GSTM4: variants seen among roughly 807,000 people sequenced by gnomAD.
GSTM4 encodes the protein GST class-mu 4.
Under a neutral mutation model 30.1 loss-of-function variants are expected in GSTM4, and 27 were observed. The observed-to-expected ratio is 0.90, with a 90% CI of 0.66 to 1.24. The LOEUF (loss-of-function observed/expected upper bound fraction) is 1.24. Among genes scored for constraint, GSTM4 ranks in the 50% most tolerant of loss-of-function variants. The pLI is 0.00. For synonymous variants in GSTM4, 94 were observed against 96.2 expected, an observed-to-expected ratio of 0.98 and a Z score of 0.13; for missense variants, 238 against 272.1, an observed-to-expected ratio of 0.87 and a Z score of 0.88.
chr1:109,667,468 T>C (rs1018296939), downstream of GSTM4, among the ~76,000 whole-genome samples: 1 of 152,130 alleles, frequency 6.6e-6, no homozygotes, highest in Non-Finnish European at 1.5e-5. Flanking sequence ...TCTGTCTCTC[T>C]TCCCACCCAG....
At chr1:109,658,182 G>A in intron 5 of GSTM4, 1 of 406,740 alleles carries the variant, frequency 2.5e-6, no homozygotes, top group African/African-American at 2.0e-5. Flanking sequence ...CCATCTGCCT[G>A]TTCGGGGAAT....
rs1651992212 is a variant in GSTM4, at chr1:109,656,545, C to G, written c.36+120C>G. 5.9e-5 allele frequency: 52 copies of G among 877,790 alleles called. 1 individual carries two copies. In the South Asian group the frequency reaches 7.1e-4, roughly 12 times the overall value. 54.4% of individuals were successfully genotyped at this position (877,790 alleles called of 1,614,324 possible). A position where few individuals can be genotyped will look rare whatever the true frequency, so the allele number is the denominator to read the frequency against. On this transcript the variant is annotated intron_variant, in intron 1 of 7. Transcript: ENST00000369836. Reference sequence around the variant, plus strand: ...GCTATCTCTCACAGGAGGGCCTGTGCATGCCTGTGTGTGTGTGTGTGTGTG... The same window carrying G: ...GCTATCTCTCACAGGAGGGCCTGTGGATGCCTGTGTGTGTGTGTGTGTGTG...
intron 3 of GSTM4, 98 bp from the exon 4 acceptor site, chr1:109,657,492 A>G (rs769460839): frequency 3.2e-6 from 5 of 1,554,488 alleles, no homozygotes; most frequent in Non-Finnish European, 8.9e-7. Flanking sequence ...GAGCGGGCAC[A>G]GTGAGTGCCT....
rs1651967690 is a variant in GSTM4, at chr1:109,656,179, A to G, written c.-211A>G. The G allele has an allele frequency of 1.7e-6, 1 of 586,374 alleles. No individual in the cohort carries two copies. The highest frequency in any genetic ancestry group is 3.2e-6 in the Non-Finnish European group (1 of 315,628). The allele number at this position is 586,374 out of a possible 1,614,324, so 36.3% of individuals were successfully genotyped here. On this transcript the variant is annotated 5_prime_UTR_variant, in exon 1 of 8. Coordinates refer to ENST00000369836, the MANE Select transcript of GSTM4 (RefSeq NM_000850.5). ...CCTTCCAGCCAGTGAGGATCCAGCA[A>G]CCTGCTCCGTGCCTCCCGCGCCTGT...
chr1:109,657,354 G>C, intron 3 of GSTM4, 75 bp downstream of exon 3: 1 of 1,583,468 alleles, frequency 6.3e-7, no homozygotes, highest in African/African-American at 1.3e-5. Flanking sequence ...CCCCAGATTA[G>C]AGGTGTTCGG....
chr1:109,661,058 T>G, intron 7 of GSTM4, 107 bp from the exon 8 acceptor site: 1 of 1,500,444 alleles, frequency 6.7e-7, no homozygotes, highest in East Asian at 2.3e-5. Flanking sequence ...TGAGCCCACG[T>G]GGAAAGGCTG....
intron 5 of GSTM4, chr1:109,658,168 C>T (rs1253466255): frequency 6.9e-6 from 3 of 434,200 alleles, no homozygotes; most frequent in Non-Finnish European, 8.4e-6. Flanking sequence ...CCAGCTGGTT[C>T]ATGCCATCTG....
Position 109,656,130 on chromosome 1 carries a change from T to G in GSTM4, c.-260T>G. 1 of 474,038 alleles carries G rather than the reference T, an allele frequency of 2.1e-6. No individual in the cohort carries two copies. Among genetic ancestry groups the G allele is most frequent in the Non-Finnish European group, 3.9e-6 (1 of 255,734 alleles). The allele number at this position is 474,038 out of a possible 1,614,324, so 29.4% of individuals were successfully genotyped here. On this transcript the variant is annotated 5_prime_UTR_variant, in exon 1 of 8. Coordinates refer to ENST00000369836, the MANE Select transcript of GSTM4 (RefSeq NM_000850.5). ...CTTCCGGACCTTGCTCCCTGAACAC[T>G]CGGAGGTGGCGGTGGATCTTACTCC...
chr1:109,659,529 G>T, intron 7 of GSTM4: 1 of 581,858 alleles, frequency 1.7e-6, no homozygotes, highest in Admixed American at 3.3e-5. Context: ...AACTTTAGGA[G>T]CATGGATGCA....
At chr1:109,656,519 G>A (rs1651991508) in intron 1 of GSTM4, 94 bp downstream of exon 1, 1 of 1,363,998 alleles carries the variant, frequency 7.3e-7, no homozygotes, top group Non-Finnish European at 1.0e-6. Flanking sequence ...CCCTCCTTAG[G>A]GCTATCTCTC....
intron 3 of GSTM4, 118 bp downstream of exon 3, chr1:109,657,397 C>T (rs1652064934): frequency 2.1e-6 from 3 of 1,455,818 alleles, no homozygotes; most frequent in South Asian, 1.1e-5. Flanking sequence ...CCTCTCACTC[C>T]TGGTTGTCTA....
chr1:109,656,280 G>A lies in GSTM4; in HGVS notation c.-110G>A, dbSNP rs1557949961. The stretch of plus-strand genomic sequence containing the variant: ...GAAGATCGGCGGGCGCAGCGGGGCC[G>A]AGGGGGCGGGTCTGGCGCTAGGTCC... On this transcript the variant is annotated 5_prime_UTR_variant, in exon 1 of 8. Coordinates refer to ENST00000369836, the MANE Select transcript of GSTM4 (RefSeq NM_000850.5). The A allele has an allele frequency of 9.2e-7, 1 of 1,087,916 alleles. No individual in the cohort carries two copies. Among genetic ancestry groups the A allele is most frequent in the Non-Finnish European group, 1.4e-6 (1 of 706,154 alleles). 67.4% of individuals were successfully genotyped at this position (1,087,916 alleles called of 1,614,324 possible). A position where few individuals can be genotyped will look rare whatever the true frequency, so the allele number is the denominator to read the frequency against.
downstream of GSTM4, among the ~76,000 whole-genome samples, chr1:109,666,030 T>C (rs1647309623): frequency 2.0e-5 from 3 of 152,324 alleles, 1 homozygote; most frequent in South Asian, 6.2e-4. Flanking sequence ...CAAATTGGCA[T>C]TGACTTTTGG....
Position 109,661,416 on chromosome 1 carries a change from C to A in GSTM4, c.*162C>A. 1 of 1,490,998 alleles carries A rather than the reference C, an allele frequency of 6.7e-7. No homozygotes were observed. The allele number at this position is 1,490,998 out of a possible 1,614,324, so 92.4% of individuals were successfully genotyped here. On this transcript the variant is annotated 3_prime_UTR_variant, in exon 8 of 8. Transcript: ENST00000369836. ...AGACTTTATTGGGCCTCTTCACTTCCCCTAAACCCCTGTCCCATGCAGGCC... is the reference window on the plus strand; with the variant it reads ...AGACTTTATTGGGCCTCTTCACTTCACCTAAACCCCTGTCCCATGCAGGCC...
intron 7 of GSTM4, 60 bp from the exon 8 acceptor site, chr1:109,661,105 T>C: frequency 6.3e-7 from 1 of 1,598,790 alleles, no homozygotes; most frequent in East Asian, 2.2e-5. Context: ...TGCAGTGGGG[T>C]TGTCCCAGCC....
Position 109,656,695 on chromosome 1 carries a change from C to A in GSTM4, c.37-17C>A. The A allele has an allele frequency of 6.2e-7, 1 of 1,612,276 alleles. No individual in the cohort carries two copies. Reference sequence around the variant, plus strand: ...GACCCTCCATCTCTGACACGACCTGCGGGCCATCTCTTCCAGCTGGCCCAC... The same window carrying A: ...GACCCTCCATCTCTGACACGACCTGAGGGCCATCTCTTCCAGCTGGCCCAC... On this transcript the variant is annotated splice_polypyrimidine_tract_variant and intron_variant, in intron 1 of 7. Transcript: ENST00000369836.
chr1:109,664,955 C>T (rs956397916), downstream of GSTM4: 17 of 1,600,016 alleles, frequency 1.1e-5, no homozygotes, highest in East Asian at 3.1e-4. Flanking sequence ...GATCTTGTGG[C>T]AGTCAAGACC....
At chr1:109,659,368 C>T in intron 7 of GSTM4, 4 of 1,483,568 alleles carry the variant, frequency 2.7e-6, no homozygotes, top group Non-Finnish European at 3.6e-6. Flanking sequence ...TGTTCTGGGT[C>T]CCAGAGCCAG....
At position 109,661,468 on chromosome 1, in the gene GSTM4, C is replaced by T. The variant is rs1652317048; in HGVS notation, c.*214C>T. The T allele has an allele frequency of 1.4e-6, 2 of 1,414,282 alleles. No individual in the cohort carries two copies. The highest frequency in any genetic ancestry group is 1.9e-6 in the Non-Finnish European group (2 of 1,079,884). 87.6% of individuals were successfully genotyped at this position (1,414,282 alleles called of 1,614,324 possible). ...TTTGAAGCCTCAGCTACCCACTTTC[C>T]TTCATGAACATCCCCCTCCCAACAC... On this transcript the variant is annotated 3_prime_UTR_variant, in exon 8 of 8. Transcript: ENST00000369836.
Sources: allele counts gnomAD v4.1 joint callset (sites outside exome capture counted in the v4.1 genomes callset), GRCh38; gene constraint gnomAD v4.1.1; transcripts MANE v1.5; gene names NCBI Gene and HGNC (gene_info 2026-07-23, HGNC 2026-07-21).